Variants in NHLRC2 observed in about 807,000 individuals in gnomAD.
NHLRC2 encodes NHL repeat containing 2.
In NHLRC2, 33 loss-of-function variants were observed where a neutral mutation model predicts 68.1. The observed-to-expected ratio is 0.48, with a 90% CI of 0.37 to 0.65. The LOEUF (loss-of-function observed/expected upper bound fraction) is 0.65, where lower values mean the gene tolerates loss of function less well. NHLRC2 is among the 30% of genes least tolerant of loss of function. The pLI is 0.00. For missense variants in NHLRC2, 761 were observed against 853.8 expected (o/e 0.89, Z 1.35); for synonymous variants, 311 against 309.6 (o/e 1.00, Z -0.05).
intron 2 of NHLRC2, among the ~76,000 whole-genome samples, chr10:113,875,728 TTATAA>T (rs1256400735): frequency 6.6e-6 from 1 of 152,184 alleles, no homozygotes; most frequent in Non-Finnish European, 1.5e-5. Flanking sequence ...GAATTGATAG[TTATAA>T]TAGAAGCATG....
At chr10:113,872,307 C>T (rs960314212) in intron 2 of NHLRC2, among the ~76,000 whole-genome samples, 1 of 152,120 alleles carries the variant, frequency 6.6e-6, no homozygotes, top group Non-Finnish European at 1.5e-5. Context: ...TACACCAATG[C>T]TATTCATCAA....
chr10:113,870,307 A>C (rs1845910050), intron 2 of NHLRC2, among the ~76,000 whole-genome samples: 2 of 152,074 alleles, frequency 1.3e-5, no homozygotes, highest in South Asian at 4.1e-4. Flanking sequence ...CATTCTATCC[A>C]CCCATCCCTT....
Position 113,858,688 on chromosome 10 carries a change from C to T in NHLRC2, c.331+8C>T, listed in dbSNP as rs768850691. On this transcript the variant is annotated splice_region_variant and intron_variant, in intron 2 of 10. Coordinates refer to ENST00000369301, the MANE Select transcript of NHLRC2 (RefSeq NM_198514.4). ...ACACATACTCTGATAAAGGTATCTG[C>T]TCTTTAATTAGTTTCTAACAGACTG... The T allele has an allele frequency of 1.2e-6, 2 of 1,601,610 alleles. No homozygotes were observed. Among genetic ancestry groups the T allele is most frequent in the South Asian group, 2.2e-5 (2 of 90,450 alleles).
At position 113,879,562 on chromosome 10, in the gene NHLRC2, A is replaced by C; in HGVS notation, c.788-12A>C. ...GATCACTTCTTAAGTGGCAAATTTT[A>C]TCTTATTTTAGGACCCAACCCTGGA... On this transcript the variant is annotated splice_polypyrimidine_tract_variant and intron_variant, in intron 3 of 10. Transcript: ENST00000369301. 6.3e-7 allele frequency: 1 copy of C among 1,591,406 alleles called. No individual in the cohort carries two copies. Among genetic ancestry groups the C allele is most frequent in the Non-Finnish European group, 8.5e-7 (1 of 1,170,882 alleles).
In NHLRC2 at chr10:113,897,504, T is replaced by C. The variant is rs796381899; in HGVS notation, c.1040-606T>C. Among the ~76,000 whole-genome samples, 14 of 152,378 alleles carry C rather than the reference T, an allele frequency of 9.2e-5. 1 individual carries two copies. Among genetic ancestry groups the C allele is most frequent in the African/African-American group, 2.6e-4 (11 of 41,596 alleles). ...GATCATGGCTAACATTTGAGTGATA[T>C]TGCCTCCAAGCATTACTCTAAGTGC... On this transcript the variant is annotated intron_variant, in intron 5 of 10. Transcript: ENST00000369301.
intron 1 of NHLRC2, among the ~76,000 whole-genome samples, chr10:113,857,429 C>T (rs2134683805): frequency 6.6e-6 from 1 of 151,966 alleles, no homozygotes; most frequent in East Asian, 1.9e-4. Flanking sequence ...ACTAATTGGC[C>T]CAAATACTAG....
At chr10:113,877,152 T>TTC (rs1266807338) in intron 3 of NHLRC2, among the ~76,000 whole-genome samples, 176 bp downstream of exon 3, 2 of 152,128 alleles carry the variant, frequency 1.3e-5, no homozygotes, top group Non-Finnish European at 2.9e-5. Context: ...AATTAACCTC[T>TTC]TCTCACTCCC....
Position 113,915,609 on chromosome 10 carries a change from C to T in NHLRC2, c.*7073C>T, listed in dbSNP as rs931606592. 1 of 222,534 alleles carries T rather than the reference C, an allele frequency of 4.5e-6. No homozygotes were observed. The highest frequency in any genetic ancestry group is 2.4e-5 in the African/African-American group (1 of 42,066). The allele number at this position is 222,534 out of a possible 1,614,324, so 13.8% of individuals were successfully genotyped here. On this transcript the variant is annotated 3_prime_UTR_variant, in exon 11 of 11. Transcript: ENST00000369301. ...ATCAGCTCTCAGACTTAACTCTCCC[C>T]AATTAAAATAGTTTTTTTTTCCCTT...
At chr10:113,883,368 A>G (rs776796387) in intron 4 of NHLRC2, among the ~76,000 whole-genome samples, 11 of 151,914 alleles carry the variant, frequency 7.2e-5, no homozygotes, top group Non-Finnish European at 1.3e-4. Context: ...AAGGGAATAC[A>G]TGTACATTTT....
Position 113,872,093 on chromosome 10 carries a change from C to T in NHLRC2, c.332-4428C>T, listed in dbSNP as rs77382337. 3.9e-3 allele frequency among the ~76,000 whole-genome samples: 587 copies of T among 152,184 alleles called. 8 individuals carry two copies. Among genetic ancestry groups the T allele is most frequent in the African/African-American group, 0.013 (559 of 41,522 alleles). Reference sequence around the variant, plus strand: ...AATACTGAACACAGGTTTGGACATACTAGACCATATCACCAGCTCTTACAA... The same window carrying T: ...AATACTGAACACAGGTTTGGACATATTAGACCATATCACCAGCTCTTACAA... On this transcript the variant is annotated intron_variant, in intron 2 of 10. Coordinates refer to ENST00000369301, the MANE Select transcript of NHLRC2 (RefSeq NM_198514.4).
chr10:113,892,904 T>G lies in NHLRC2; in HGVS notation c.1040-5206T>G, dbSNP rs372441202. Among the ~76,000 whole-genome samples, 45 of 152,270 alleles carry G rather than the reference T, an allele frequency of 3.0e-4. 1 individual carries two copies. Among genetic ancestry groups the G allele is most frequent in the African/African-American group, 1.1e-3 (44 of 41,544 alleles). On this transcript the variant is annotated intron_variant, in intron 5 of 10. Coordinates refer to ENST00000369301, the MANE Select transcript of NHLRC2 (RefSeq NM_198514.4). ...GAAAGGCTTACCATGAGGATAAGAATTAATATATGTAAAGCACTTAGAACA... is the reference window on the plus strand; with the variant it reads ...GAAAGGCTTACCATGAGGATAAGAAGTAATATATGTAAAGCACTTAGAACA...
chr10:113,871,643 C>T (rs778532272), intron 2 of NHLRC2, among the ~76,000 whole-genome samples: 1 of 152,080 alleles, frequency 6.6e-6, no homozygotes, highest in Non-Finnish European at 1.5e-5. Context: ...AATCAACTAA[C>T]AAAGTATGAA....
intron 7 of NHLRC2, 75 bp downstream of exon 7, chr10:113,901,972 A>G (rs1846233552): frequency 1.9e-6 from 2 of 1,068,826 alleles, no homozygotes; most frequent in South Asian, 1.4e-5. Context: ...TGGAAAGTTA[A>G]TAAGATTTAA....
intron 4 of NHLRC2, among the ~76,000 whole-genome samples, chr10:113,881,459 C>G (rs1161482949): frequency 6.6e-6 from 1 of 151,552 alleles, no homozygotes. Flanking sequence ...TGTTTAAGAC[C>G]TCATTTGCAG....
chr10:113,898,292 G>T (rs1403862506), intron 6 of NHLRC2, 83 bp downstream of exon 6: 1 of 841,568 alleles, frequency 1.2e-6, no homozygotes, highest in Non-Finnish European at 2.0e-6. Context: ...CATCCTCACT[G>T]TACCAGTCAG....
Position 113,916,485 on chromosome 10 carries a change from AT to A in NHLRC2, c.*7953del, listed in dbSNP as rs1425680243. On this transcript the variant is annotated 3_prime_UTR_variant, in exon 11 of 11. Coordinates refer to ENST00000369301, the MANE Select transcript of NHLRC2 (RefSeq NM_198514.4). ...AACAATACCCCATGAGTTCAAATTA[AT>A]TTTCTCTACTTTGAGGTATACCTTC... 2.0e-5 allele frequency: 3 copies of A among 152,066 alleles called. No homozygotes were observed. The highest frequency in any genetic ancestry group is 2.0e-4 in the Admixed American group (3 of 15,262). The allele number at this position is 152,066 out of a possible 1,614,324, so 9.4% of individuals were successfully genotyped here.
chr10:113,894,059 G>A (rs1846156086), intron 5 of NHLRC2, among the ~76,000 whole-genome samples: 1 of 152,184 alleles, frequency 6.6e-6, no homozygotes, highest in Non-Finnish European at 1.5e-5. Context: ...GTGGTGAGAA[G>A]TGGTCAGATT....
In NHLRC2 at chr10:113,871,622, T is replaced by A. The variant is rs74849043; in HGVS notation, c.332-4899T>A. Among the ~76,000 whole-genome samples, 843 of 152,354 alleles carry A rather than the reference T, an allele frequency of 5.5e-3. 9 individuals are homozygous for A. The highest frequency in any genetic ancestry group is 0.019 in the African/African-American group (800 of 41,576). On this transcript the variant is annotated intron_variant, in intron 2 of 10. Transcript: ENST00000369301. ...TTTATACCAGTTTCTGGTTTTATAC[T>A]TAGTTTATTTAATCAACTAACAAAG...
intron 5 of NHLRC2, among the ~76,000 whole-genome samples, chr10:113,896,387 A>G (rs920717149): frequency 1.3e-5 from 2 of 151,950 alleles, no homozygotes; most frequent in East Asian, 1.9e-4. Context: ...GAAATTGGAA[A>G]TCATCATTCT....
Sources: gnomAD v4.1 joint callset for allele counts (sites outside exome capture counted in the v4.1 genomes callset) on GRCh38, gnomAD v4.1.1 for gene constraint, MANE v1.5 for transcripts, NCBI Gene and HGNC (gene_info 2026-07-23, HGNC 2026-07-21) for gene names.